Variants in OCSTAMP observed in about 807,000 individuals in gnomAD.
OCSTAMP encodes transmembrane protein C20orf123.
A neutral mutation model predicts 25.2 loss-of-function variants in OCSTAMP; 17 were observed. The observed-to-expected ratio is 0.68, with a 90% confidence interval of 0.46 to 1.01. The LOEUF is 1.01. OCSTAMP is among the 50% of genes least tolerant of loss of function. OCSTAMP has a pLI of 0.00. For synonymous variants in OCSTAMP, 345 were observed against 318.9 expected, an observed-to-expected ratio of 1.08 and a Z score of -0.87; for missense variants, 664 against 694.6, an observed-to-expected ratio of 0.96 and a Z score of 0.50.
At chr20:46,546,831 C>T (rs917240907) in intron 1 of OCSTAMP, among the ~76,000 whole-genome samples, 2 of 152,088 alleles carry the variant, frequency 1.3e-5, no homozygotes, top group Non-Finnish European at 2.9e-5. Context: ...GGAGGGTGAA[C>T]TAGTTGGCCT....
rs1003212695 is a variant in OCSTAMP at position 46,545,554 on chromosome 20, G to A, written c.820C>T (p.His274Tyr). ...CAGGTGGGTGGAGGGGCCAGGAGGT[G>A]TGTAGCCTGGGCCTGTGCCAACCGC... ...TQRLAQAQATHLLAPPPTWLL... is the reference protein window; with the variant it reads ...TQRLAQAQATYLLAPPPTWLL... Residue 274 changes from histidine (H) to tyrosine (Y), a missense_variant, in exon 2 of 3, where the codon CAC (histidine) becomes TAC (tyrosine). By Grantham distance (83) the His-to-Tyr change is moderately conservative. Coordinates refer to ENST00000279028, the MANE Select transcript of OCSTAMP (RefSeq NM_080721.3). The A allele has an allele frequency of 3.2e-6, 5 of 1,551,652 alleles. No homozygotes were observed. In the East Asian group the frequency reaches 1.2e-4, roughly 38 times the overall value.
At chr20:46,543,236 C>G (rs199769194) in intron 2 of OCSTAMP, among the ~76,000 whole-genome samples, 1 of 103,404 alleles carries the variant, frequency 9.7e-6, no homozygotes, top group Non-Finnish European at 1.8e-5. Context: ...CTTTCTTTTT[C>G]TTTCTTTCTT....
rs2061864860 is a variant in OCSTAMP at position 46,549,806 on chromosome 20, CTCTG to C, written c.44+707_44+710del. Among the ~76,000 whole-genome samples, 2 of 142,368 alleles carry C rather than the reference CTCTG, an allele frequency of 1.4e-5. 1 individual carries two copies. The highest frequency in any genetic ancestry group is 4.7e-4 in the South Asian group (2 of 4,234). The allele number at this position is 142,368 out of a possible 152,430, so 93.4% of individuals were successfully genotyped here. A position where few individuals can be genotyped will look rare whatever the true frequency, so the allele number is the denominator to read the frequency against. ...TGCAAATGTGCCTTATTGTGGCCCACTCTGTGTGTGTGTGTGTGTGTGTAAGCTG... is the reference window on the plus strand; with the variant it reads ...TGCAAATGTGCCTTATTGTGGCCCACTGTGTGTGTGTGTGTGTGTAAGCTG... On this transcript the variant is annotated intron_variant, in intron 1 of 2. Coordinates refer to ENST00000279028, the MANE Select transcript of OCSTAMP (RefSeq NM_080721.3).
In OCSTAMP at chr20:46,546,441, C is replaced by T. The variant is rs942541287; in HGVS notation, c.45-112G>A. On this transcript the variant is annotated intron_variant, in intron 1 of 2. Transcript: ENST00000279028. ...CCAGGCTCTGCTAACAGACTCCACC[C>T]TTGTAGTTACCCAGGTGGACCAATC... 8 of 904,422 alleles carry T rather than the reference C, an allele frequency of 8.8e-6. No homozygotes were observed. In the South Asian group the frequency reaches 1.0e-4, roughly 12 times the overall value. The allele number at this position is 904,422 out of a possible 1,614,324, so 56.0% of individuals were successfully genotyped here.
At position 46,545,590 on chromosome 20, in the gene OCSTAMP, G is replaced by T; in HGVS notation, c.784C>A (p.Gln262Lys). The stretch of plus-strand genomic sequence containing the variant: ...GCCTGTGCCAACCGCTGGGTCAGCT[G>T]TTGAGTGGCGTAGATATTGTCAAAC... The part of the protein sequence containing the change: ...LRFDNIYATQ[Q>K]LTQRLAQAQA... Residue 262 changes from glutamine to lysine, a missense_variant, in exon 2 of 3, where the codon CAG (glutamine) becomes AAG (lysine). Gln to Lys is a moderately conservative substitution (Grantham distance 53, BLOSUM62 1). Transcript: ENST00000279028. 1 of 1,551,740 alleles carries T rather than the reference G, an allele frequency of 6.4e-7. No homozygotes were observed.
In OCSTAMP at chr20:46,541,764, G is replaced by A. The variant is rs761373370; in HGVS notation, c.1211C>T (p.Ala404Val). The A allele has an allele frequency of 2.6e-6, 4 of 1,531,294 alleles. No individual in the cohort carries two copies. The East Asian group carries it at 9.8e-5, about 38-fold the overall frequency. 94.9% of individuals were successfully genotyped at this position (1,531,294 alleles called of 1,614,324 possible). A position where few individuals can be genotyped will look rare whatever the true frequency, so the allele number is the denominator to read the frequency against. ...CGCCAGGAGCTGCAGGGCCCCCGCG[G>A]CCAGCGGGGCAGCTGCGCGGGGACG... Reference protein sequence around the residue: ...ARRPRAAAPLAAGALQLLAGS... With the variant: ...ARRPRAAAPLVAGALQLLAGS... Residue 404 changes from alanine (A) to valine (V), a missense_variant, in exon 3 of 3, where the codon GCC (alanine) becomes GTC (valine). Physicochemically the swap from Ala to Val is moderately conservative, Grantham distance 64. Coordinates refer to ENST00000279028, the MANE Select transcript of OCSTAMP (RefSeq NM_080721.3).
chr20:46,543,860 G>C (rs1231642863), intron 2 of OCSTAMP, among the ~76,000 whole-genome samples: 3 of 152,136 alleles, frequency 2.0e-5, no homozygotes, highest in Non-Finnish European at 4.4e-5. Flanking sequence ...GTAAATCAGG[G>C]AACATGCTTA....
chr20:46,545,887 T>C lies in OCSTAMP; in HGVS notation c.487A>G (p.Thr163Ala). The change falls in exon 2 of 3, where the codon ACC becomes GCC. Residue 163 changes from threonine (T) to alanine (A), a missense_variant. Coordinates refer to ENST00000279028, the MANE Select transcript of OCSTAMP (RefSeq NM_080721.3). The stretch of plus-strand genomic sequence containing the variant: ...GATGCTGCATGCAGCTGGTGAGTGG[T>C]ATTGAGGAGACTCTCCAGGGAGCCC... ...TEGSLESLLNTTHQLHAASRA... is the reference protein window; with the variant it reads ...TEGSLESLLNATHQLHAASRA... 2 of 1,551,216 alleles carry C rather than the reference T, an allele frequency of 1.3e-6. No homozygotes were observed. Among genetic ancestry groups the C allele is most frequent in the Non-Finnish European group, 1.7e-6 (2 of 1,146,940 alleles).
intron 2 of OCSTAMP, among the ~76,000 whole-genome samples, chr20:46,542,372 G>A (rs1020313329): frequency 6.6e-6 from 1 of 152,122 alleles, no homozygotes; most frequent in Non-Finnish European, 1.5e-5. Flanking sequence ...TTGAAGTCAG[G>A]AGTTCGAGAC....
At chr20:46,543,600 G>A (rs1314637830) in intron 2 of OCSTAMP, among the ~76,000 whole-genome samples, 3 of 151,978 alleles carry the variant, frequency 2.0e-5, no homozygotes, top group East Asian at 1.9e-4. Context: ...CCAAAGTGCT[G>A]GGATTATAGA....
At position 46,545,354 on chromosome 20, in the gene OCSTAMP, C is replaced by A; in HGVS notation, c.1020G>T (p.Val340=). ...TVDWAQKLPT[V]PITLTVKYDV... ...CATACTTGACCGTGAGCGTGATGGG[C>A]ACAGTTGGCAACTTCTGAGCCCAGT... The change falls in exon 2 of 3, where the codon GTG becomes GTT. Residue 340 remains valine (V), a synonymous_variant. Transcript: ENST00000279028. The A allele has an allele frequency of 2.0e-6, 3 of 1,487,588 alleles. No individual in the cohort carries two copies. Among genetic ancestry groups the A allele is most frequent in the Non-Finnish European group, 2.7e-6 (3 of 1,118,976 alleles). The allele number at this position is 1,487,588 out of a possible 1,614,324, so 92.1% of individuals were successfully genotyped here.
chr20:46,549,695 C>CCAGAA (rs1276619890), intron 1 of OCSTAMP, among the ~76,000 whole-genome samples: 1 of 151,722 alleles, frequency 6.6e-6, no homozygotes, highest in Non-Finnish European at 1.5e-5. Context: ...GTTGGGAGAA[C>CCAGAA]CAGAACAGTG....
intron 2 of OCSTAMP, among the ~76,000 whole-genome samples, chr20:46,543,653 T>C (rs1293439600): frequency 6.6e-6 from 1 of 152,096 alleles, no homozygotes; most frequent in East Asian, 1.9e-4. Flanking sequence ...TTTCTTTTTA[T>C]GTATACGCGA....
rs777239003 is a variant in OCSTAMP at position 46,545,943 on chromosome 20, G to A, written c.431C>T (p.Ala144Val). 66 of 1,551,190 alleles carry A rather than the reference G, an allele frequency of 4.3e-5. No homozygotes were observed. Among genetic ancestry groups the A allele is most frequent in the Admixed American group, 3.1e-4 (16 of 50,984 alleles). ...VVPNVLANVG[A>V]AGQVLRCVTE... Reference sequence around the variant, plus strand: ...GACACACCTCAGCACCTGCCCGGCCGCACCCACGTTGGCCAGGACGTTGGG... The same window carrying A: ...GACACACCTCAGCACCTGCCCGGCCACACCCACGTTGGCCAGGACGTTGGG... Residue 144 changes from alanine to valine, a missense_variant, in exon 2 of 3, where the codon GCG becomes GTG. Ala to Val is a moderately conservative substitution (Grantham distance 64). Coordinates refer to ENST00000279028, the MANE Select transcript of OCSTAMP (RefSeq NM_080721.3).
Position 46,541,919 on chromosome 20 carries a change from G to T in OCSTAMP, c.1056C>A (p.Tyr352Ter). ...ITLTVKYDVA[Y>*]TVLGFIPFLF... ...GGAAAGGGATGAAGCCCAGGACAGT[G>T]TATGCCACCTTGGGAAAGGAGAAAA... The change falls in exon 3 of 3, where the codon TAC (tyrosine) becomes TAA (stop). Residue 352 changes from tyrosine (Y) to a stop codon, truncating the protein, a stop_gained. Transcript: ENST00000279028. LOFTEE classifies it low-confidence loss of function (END_TRUNC). The T allele has an allele frequency of 7.0e-7, 1 of 1,429,984 alleles. No individual in the cohort carries two copies. Among genetic ancestry groups the T allele is most frequent in the South Asian group, 1.6e-5 (1 of 64,192 alleles). The allele number at this position is 1,429,984 out of a possible 1,614,324, so 88.6% of individuals were successfully genotyped here.
At chr20:46,544,938 A>G (rs2061846178) in intron 2 of OCSTAMP, among the ~76,000 whole-genome samples, 1 of 152,242 alleles carries the variant, frequency 6.6e-6, no homozygotes, top group Non-Finnish European at 1.5e-5. Flanking sequence ...CTTATGTGCC[A>G]TGGAGCTTAC....
At chr20:46,548,646 G>C (rs2061860670) in intron 1 of OCSTAMP, among the ~76,000 whole-genome samples, 1 of 152,194 alleles carries the variant, frequency 6.6e-6, no homozygotes, top group Non-Finnish European at 1.5e-5. Flanking sequence ...TCTTAAGTGA[G>C]AGCAGGCAGA....
Position 46,541,286 on chromosome 20 carries a change from A to T in OCSTAMP, c.1689T>A (p.Asp563Glu). Residue 563 changes from aspartate to glutamate, a missense_variant, in exon 3 of 3, where the codon GAT (aspartate) becomes GAA (glutamate). Asp to Glu is a conservative substitution (Grantham distance 45). Coordinates refer to ENST00000279028, the MANE Select transcript of OCSTAMP (RefSeq NM_080721.3). ...VVRMEGNTGH[D>E]RPG Reference sequence around the variant, plus strand: ...GGTTCTTTACCGGTTATCCAGGCCTATCATGCCCAGTATTTCCTTCCATCC... The same window carrying T: ...GGTTCTTTACCGGTTATCCAGGCCTTTCATGCCCAGTATTTCCTTCCATCC... 1.4e-6 allele frequency: 1 copy of T among 723,008 alleles called. No homozygotes were observed. The highest frequency in any genetic ancestry group is 1.5e-5 in the South Asian group (1 of 67,682). 44.8% of individuals were successfully genotyped at this position (723,008 alleles called of 1,614,324 possible). A position where few individuals can be genotyped will look rare whatever the true frequency, so the allele number is the denominator to read the frequency against.
chr20:46,541,429 G>A lies in OCSTAMP; in HGVS notation c.1546C>T (p.Pro516Ser), dbSNP rs2061833649. The A allele has an allele frequency of 6.9e-7, 1 of 1,443,494 alleles. No homozygotes were observed. The highest frequency in any genetic ancestry group is 1.2e-5 in the South Asian group (1 of 81,912). 89.4% of individuals were successfully genotyped at this position (1,443,494 alleles called of 1,614,324 possible). Residue 516 changes from proline to serine, a missense_variant, in exon 3 of 3, where the codon CCT becomes TCT. Coordinates refer to ENST00000279028, the MANE Select transcript of OCSTAMP (RefSeq NM_080721.3). The stretch of plus-strand genomic sequence containing the variant: ...GACTTACCCAAGGTCACACAGGGAG[G>A]CGGCACAGGACCAAGGTTACAACTC... ...DLSCNLGPVP[P>S]PCVTLGKSLH...
Sources: allele counts gnomAD v4.1 joint callset (sites outside exome capture counted in the v4.1 genomes callset), GRCh38; gene constraint gnomAD v4.1.1; transcripts MANE v1.5; gene names NCBI Gene and HGNC (gene_info 2026-07-23, HGNC 2026-07-21).